ZNF76: variants seen among roughly 807,000 people sequenced by gnomAD.
ZNF76 encodes zinc finger protein 76.
In ZNF76, 66 loss-of-function variants were observed where a neutral mutation model predicts 66.9. The observed-to-expected ratio is 0.99, with a 90% confidence interval of 0.81 to 1.21. The LOEUF (loss-of-function observed/expected upper bound fraction) is 1.21, where lower values mean the gene tolerates loss of function less well. Among genes scored for constraint, ZNF76 ranks in the 50% most tolerant of loss-of-function variants. The pLI, the probability that ZNF76 is intolerant of heterozygous loss-of-function variation, is 0.00. For synonymous variants in ZNF76, 275 were observed against 296.1 expected (o/e 0.93, Z 0.73); for missense variants, 729 against 760.3 (o/e 0.96, Z 0.48).
At chr6:35,277,959 A>G (rs1256342254) in intron 1 of ZNF76, among the ~76,000 whole-genome samples, 1 of 151,920 alleles carries the variant, frequency 6.6e-6, no homozygotes, top group Non-Finnish European at 1.5e-5. Flanking sequence ...TCCCAGGTTT[A>G]TGCCATTCTT....
At position 35,292,617 on chromosome 6, in the gene ZNF76, T is replaced by C; in HGVS notation, c.995T>C (p.Leu332Ser). 6.2e-7 allele frequency: 1 copy of C among 1,613,924 alleles called. No homozygotes were observed. The highest frequency in any genetic ancestry group is 8.5e-7 in the Non-Finnish European group (1 of 1,180,022). The change falls in exon 10 of 14, where the codon TTG (leucine) becomes TCG (serine). Residue 332 changes from leucine (L) to serine (S), a missense_variant. Coordinates refer to ENST00000373953, the MANE Select transcript of ZNF76 (RefSeq NM_003427.5). This position sits in a 1 kb window ranked among gnomAD's most constrained non-coding sequence, Gnocchi z 4.7. ...AAACGCTTCACCGAGTACTCGAGCT[T>C]GTATAAGCACCACGTGGTGCACACA... ...CGKRFTEYSS[L>S]YKHHVVHTHC... is the part of the protein sequence containing the mutation.
chr6:35,276,711 C>T (rs1020304549), intron 1 of ZNF76, among the ~76,000 whole-genome samples: 9 of 152,128 alleles, frequency 5.9e-5, no homozygotes, highest in Admixed American at 2.6e-4. Context: ...AGCCACAGGG[C>T]CCAGGGAGTC....
chr6:35,267,588 A>G (rs998495897), intron 1 of ZNF76, among the ~76,000 whole-genome samples: 2 of 152,258 alleles, frequency 1.3e-5, no homozygotes, highest in Non-Finnish European at 2.9e-5. Flanking sequence ...AGTAATACCC[A>G]GTGAGTGCCT....
intron 1 of ZNF76, among the ~76,000 whole-genome samples, chr6:35,269,267 C>T (rs867653328): frequency 1.1e-3 from 118 of 105,080 alleles, no homozygotes; most frequent in African/African-American, 4.5e-3. Context: ...GGCGACAGAG[C>T]GAGACTCTGT....
At chr6:35,273,181 A>G (rs1181911117) in intron 1 of ZNF76, among the ~76,000 whole-genome samples, 1 of 145,488 alleles carries the variant, frequency 6.9e-6, no homozygotes, top group Non-Finnish European at 1.5e-5. Context: ...AACAAAAAAC[A>G]AAAAAAAAAC....
intron 1 of ZNF76, among the ~76,000 whole-genome samples, chr6:35,277,883 G>A (rs981337799): frequency 2.6e-5 from 4 of 152,214 alleles, no homozygotes; most frequent in South Asian, 2.1e-4. Context: ...TTTTTGAGAC[G>A]GAGTCTCACT....
chr6:35,288,672 A>C (rs1358945610), intron 5 of ZNF76, among the ~76,000 whole-genome samples: 2 of 152,222 alleles, frequency 1.3e-5, no homozygotes, highest in African/African-American at 2.4e-5. Flanking sequence ...AAAATGAAGC[A>C]CAGGCCGGGA....
At chr6:35,273,385 G>T (rs1480371271) in intron 1 of ZNF76, among the ~76,000 whole-genome samples, 2 of 150,778 alleles carry the variant, frequency 1.3e-5, no homozygotes, top group African/African-American at 4.9e-5. Context: ...GTTGGCCAGG[G>T]TGATCTCGAA....
chr6:35,294,009 TA>T, intron 12 of ZNF76, 94 bp downstream of exon 12: 1 of 1,433,104 alleles, frequency 7.0e-7, no homozygotes, highest in Non-Finnish European at 9.4e-7. Flanking sequence ...CAAGTCTTCT[TA>T]CCAGGACAAA....
intron 6 of ZNF76, 91 bp downstream of exon 6, chr6:35,290,473 C>T (rs906966965): frequency 4.5e-6 from 7 of 1,569,700 alleles, no homozygotes; most frequent in Non-Finnish European, 6.1e-6. Flanking sequence ...TTGGTCCCTG[C>T]CCTCACGTTG....
intron 2 of ZNF76, among the ~76,000 whole-genome samples, chr6:35,284,666 G>T (rs1789279141): frequency 6.6e-6 from 1 of 152,026 alleles, no homozygotes; most frequent in South Asian, 2.1e-4. Context: ...CTCCCAAAGT[G>T]CTGGGATTAC....
rs1255876027 is a variant in ZNF76, at chr6:35,281,159, G to C, written c.8G>C (p.Ser3Thr). The C allele has an allele frequency of 6.2e-7, 1 of 1,614,016 alleles. No individual in the cohort carries two copies. Among genetic ancestry groups the C allele is most frequent in the East Asian group, 2.2e-5 (1 of 44,880 alleles). ME[S>T]LGLHTVTLSD... Reference sequence around the variant, plus strand: ...CACGAGCAGCAGTTTGCCATGGAGAGCTTGGGGCTGCACACGGTGACCCTT... The same window carrying C: ...CACGAGCAGCAGTTTGCCATGGAGACCTTGGGGCTGCACACGGTGACCCTT... The change falls in exon 2 of 14, where the codon AGC becomes ACC. Residue 3 changes from serine (S) to threonine (T), a missense_variant. Transcript: ENST00000373953.
At chr6:35,279,669 C>T (rs1788462679) in intron 1 of ZNF76, 1 of 151,970 alleles carries the variant, frequency 6.6e-6, no homozygotes, top group Non-Finnish European at 1.5e-5. Flanking sequence ...CCTCGTGATC[C>T]ACTGTCCTCG....
intron 1 of ZNF76, among the ~76,000 whole-genome samples, chr6:35,264,004 G>A (rs905724065): frequency 6.6e-6 from 1 of 152,188 alleles, no homozygotes; most frequent in Non-Finnish European, 1.5e-5. Context: ...ACTCGCCTCA[G>A]CCTCCCAAAG....
At position 35,293,922 on chromosome 6, in the gene ZNF76, C is replaced by A; in HGVS notation, c.1494+7C>A. On this transcript the variant is annotated splice_region_variant and intron_variant, in intron 12 of 13. Coordinates refer to ENST00000373953, the MANE Select transcript of ZNF76 (RefSeq NM_003427.5). ...TGGCACCCAGACGCAGCCCGTATGA[C>A]CAGGCGGTTTGCTTGGGGTTTCTTA... 20 of 1,613,420 alleles carry A rather than the reference C, an allele frequency of 1.2e-5. No individual in the cohort carries two copies. Among genetic ancestry groups the A allele is most frequent in the Non-Finnish European group, 1.7e-5 (20 of 1,179,546 alleles).
At chr6:35,281,495 C>T (rs1427085747) in intron 2 of ZNF76, among the ~76,000 whole-genome samples, 2 of 152,202 alleles carry the variant, frequency 1.3e-5, no homozygotes, top group African/African-American at 4.8e-5. Flanking sequence ...ATAAATATTT[C>T]TGGAATGAAC....
Position 35,264,364 on chromosome 6 carries a change from A to C in ZNF76, c.-97+4523A>C, listed in dbSNP as rs557480492. Among the ~76,000 whole-genome samples the C allele has an allele frequency of 2.1e-4, 32 of 152,312 alleles. No homozygotes were observed. The South Asian group carries it at 3.3e-3, about 16-fold the overall frequency. On this transcript the variant is annotated intron_variant, in intron 1 of 13. Coordinates refer to ENST00000373953, the MANE Select transcript of ZNF76 (RefSeq NM_003427.5). ...TCTGGTAAGATAGGTTGTTTGACGCAGTTGCTCAAATACAGTGGTAACAGC... is the reference window on the plus strand; with the variant it reads ...TCTGGTAAGATAGGTTGTTTGACGCCGTTGCTCAAATACAGTGGTAACAGC...
At position 35,292,411 on chromosome 6, in the gene ZNF76, C is replaced by G. The variant is rs1274462774; in HGVS notation, c.932-143C>G. On this transcript the variant is annotated intron_variant, in intron 9 of 13. Coordinates refer to ENST00000373953, the MANE Select transcript of ZNF76 (RefSeq NM_003427.5). This position sits in a 1 kb window ranked among gnomAD's most constrained non-coding sequence, Gnocchi z 4.7. Reference sequence around the variant, plus strand: ...GTGTTCCACTGGCCATCTTCCCCAACCCTGTCCATTCAGAGTCTCAGGTCT... The same window carrying G: ...GTGTTCCACTGGCCATCTTCCCCAAGCCTGTCCATTCAGAGTCTCAGGTCT... The G allele has an allele frequency of 3.7e-6, 3 of 800,778 alleles. No individual in the cohort carries two copies. In the Admixed American group the frequency reaches 6.4e-5, roughly 17 times the overall value. The allele number at this position is 800,778 out of a possible 1,614,324, so 49.6% of individuals were successfully genotyped here.
In ZNF76 at chr6:35,294,437, A is replaced by G; in HGVS notation, c.1495-19A>G. On this transcript the variant is annotated intron_variant, in intron 12 of 13. Transcript: ENST00000373953. ...GAGTATACTGCAGGTGGAATGGAAG[A>G]CCTCCTTTTGTCTTTCAGGTCACAA... The G allele has an allele frequency of 6.4e-7, 1 of 1,551,252 alleles. No homozygotes were observed. Among genetic ancestry groups the G allele is most frequent in the Non-Finnish European group, 8.9e-7 (1 of 1,123,450 alleles).
Sources: allele counts gnomAD v4.1 joint callset (sites outside exome capture counted in the v4.1 genomes callset), GRCh38; gene constraint gnomAD v4.1.1; non-coding constraint Gnocchi (gnomAD v3.1); transcripts MANE v1.5; gene names NCBI Gene and HGNC (gene_info 2026-07-23, HGNC 2026-07-21).